The following JAZF1 variants were observed in gnomAD, a reference collection of about 807,000 sequenced individuals.
The protein encoded by JAZF1 is juxtaposed with another zinc finger protein 1.
A neutral mutation model predicts 26.4 loss-of-function variants in JAZF1; 8 were observed. That is an observed-to-expected ratio of 0.30 (90% CI 0.18 to 0.55). The LOEUF is 0.55. Ranked by LOEUF, JAZF1 falls within the 20% of genes least tolerant of loss-of-function variation. The pLI, the probability that JAZF1 is intolerant of heterozygous loss-of-function variation, is 0.94. For missense variants in JAZF1, 199 were observed against 322.0 expected (o/e 0.62, Z 2.92); for synonymous variants, 126 against 122.3 (o/e 1.03, Z -0.20).
intron 4 of JAZF1, among the ~76,000 whole-genome samples, chr7:27,836,387 T>C (rs903407854): frequency 6.6e-6 from 1 of 152,148 alleles, no homozygotes; most frequent in African/African-American, 2.4e-5. Context: ...AGCAGGCGAC[T>C]TAAAGGCTTT....
At chr7:27,848,535 G>A (rs73297579) in intron 3 of JAZF1, among the ~76,000 whole-genome samples, 2,383 of 152,322 alleles carry the variant, frequency 0.016, 70 homozygotes, top group African/African-American at 0.053. Flanking sequence ...AGGACACAAG[G>A]TTTAAGGACA....
chr7:27,878,297 T>A (rs937489540), intron 3 of JAZF1, among the ~76,000 whole-genome samples: 4 of 152,182 alleles, frequency 2.6e-5, no homozygotes, highest in African/African-American at 9.7e-5. Context: ...TGAGCCTAGA[T>A]CACTTGTAGC....
chr7:27,876,585 C>T (rs1783684383), intron 3 of JAZF1, among the ~76,000 whole-genome samples: 1 of 152,160 alleles, frequency 6.6e-6, no homozygotes, highest in Non-Finnish European at 1.5e-5. Context: ...TAAGTTTTGC[C>T]AGCCTAGTTT....
chr7:28,007,628 T>C (rs1056214510), intron 1 of JAZF1, among the ~76,000 whole-genome samples: 4 of 152,120 alleles, frequency 2.6e-5, no homozygotes, highest in Non-Finnish European at 5.9e-5. Context: ...CAGGCAACTC[T>C]CTGAATTAAG....
intron 1 of JAZF1, among the ~76,000 whole-genome samples, chr7:28,139,122 A>G (rs940643144): frequency 2.6e-5 from 4 of 152,176 alleles, no homozygotes; most frequent in African/African-American, 9.7e-5. Flanking sequence ...ACCTTGGTTT[A>G]GATTTTGTCA....
chr7:28,149,271 CA>C (rs1283843549), intron 1 of JAZF1, among the ~76,000 whole-genome samples: 2 of 152,148 alleles, frequency 1.3e-5, no homozygotes, highest in Admixed American at 6.5e-5. Context: ...TCAACAAATG[CA>C]TGAAAAGCCT....
intron 1 of JAZF1, among the ~76,000 whole-genome samples, chr7:28,173,370 G>GA (rs1233752339): frequency 1.3e-5 from 2 of 151,876 alleles, no homozygotes; most frequent in Non-Finnish European, 2.9e-5. Flanking sequence ...GAAAGAGAGG[G>GA]AAAAAATGTA....
intron 1 of JAZF1, among the ~76,000 whole-genome samples, chr7:28,099,978 G>A (rs112880307): frequency 0.016 from 2,381 of 152,232 alleles, 60 homozygotes; most frequent in African/African-American, 0.055. Flanking sequence ...ACTAAACATC[G>A]TGTTCTTTTT....
intron 1 of JAZF1, among the ~76,000 whole-genome samples, chr7:28,022,824 T>C (rs1783029134): frequency 6.6e-6 from 1 of 152,220 alleles, no homozygotes; most frequent in African/African-American, 2.4e-5. Flanking sequence ...CGGCATGATC[T>C]TGGCTCACTG....
At chr7:27,934,028 A>T (rs1338013809) in intron 2 of JAZF1, among the ~76,000 whole-genome samples, 1 of 152,252 alleles carries the variant, frequency 6.6e-6, no homozygotes, top group Non-Finnish European at 1.5e-5. Context: ...ACCACTTGAA[A>T]GTTTTACTTT....
intron 1 of JAZF1, among the ~76,000 whole-genome samples, chr7:27,992,594 C>T (rs942342913): frequency 6.6e-5 from 10 of 152,188 alleles, no homozygotes; most frequent in Non-Finnish European, 1.3e-4. Flanking sequence ...CAGAATTCAA[C>T]ACCATAGCAA....
chr7:28,087,289 G>C (rs1784226110), intron 1 of JAZF1, among the ~76,000 whole-genome samples: 1 of 151,724 alleles, frequency 6.6e-6, no homozygotes, highest in South Asian at 2.1e-4. Flanking sequence ...GCTATTCTAG[G>C]AATCAATCTT....
chr7:28,009,422 A>T (rs1782759834), intron 1 of JAZF1, among the ~76,000 whole-genome samples: 1 of 152,096 alleles, frequency 6.6e-6, no homozygotes, highest in African/African-American at 2.4e-5. Flanking sequence ...AGACACAAAC[A>T]TACGAAAGTT....
At chr7:27,933,802 C>T (rs546618027) in intron 2 of JAZF1, among the ~76,000 whole-genome samples, 2 of 152,106 alleles carry the variant, frequency 1.3e-5, no homozygotes, top group African/African-American at 4.8e-5. Flanking sequence ...GACTGCAGAA[C>T]ATAATGGGAA....
chr7:27,904,294 G>C (rs147235756), intron 2 of JAZF1, among the ~76,000 whole-genome samples: 1 of 152,148 alleles, frequency 6.6e-6, no homozygotes, highest in African/African-American at 2.4e-5. Flanking sequence ...CTTTCAGAAC[G>C]TACATCTGCT....
intron 1 of JAZF1, among the ~76,000 whole-genome samples, chr7:28,007,816 T>C (rs1009122072): frequency 6.6e-6 from 1 of 152,134 alleles, no homozygotes; most frequent in Non-Finnish European, 1.5e-5. Flanking sequence ...GAGAGGAAGG[T>C]ACAGAGATAT....
At chr7:27,925,729 G>A (rs1487367456) in intron 2 of JAZF1, among the ~76,000 whole-genome samples, 1 of 152,178 alleles carries the variant, frequency 6.6e-6, no homozygotes, top group Non-Finnish European at 1.5e-5. Context: ...CCCAGCCCAA[G>A]GCCAATATTC....
chr7:28,134,660 C>T (rs963609860), intron 1 of JAZF1, among the ~76,000 whole-genome samples: 9 of 151,680 alleles, frequency 5.9e-5, no homozygotes, highest in Admixed American at 1.3e-4. Flanking sequence ...TGAAGAAATA[C>T]AACAGGATCC....
chr7:28,114,385 C>T (rs1389091429), intron 1 of JAZF1, among the ~76,000 whole-genome samples: 2 of 151,888 alleles, frequency 1.3e-5, no homozygotes, highest in Non-Finnish European at 2.9e-5. Flanking sequence ...GGGTTTGGTG[C>T]TACTGACATC....
Sources: gnomAD v4.1 joint callset for allele counts (sites outside exome capture counted in the v4.1 genomes callset) on GRCh38, gnomAD v4.1.1 for gene constraint, MANE v1.5 for transcripts, NCBI Gene and HGNC (gene_info 2026-07-23, HGNC 2026-07-21) for gene names.